Variants in CUL4B observed in about 807,000 individuals in gnomAD.
The protein encoded by CUL4B is cullin 4B.
CUL4B carries 1 observed loss-of-function variant against 69.2 expected under a neutral mutation model. That is an observed-to-expected ratio of 0.01 (90% CI 0.01 to 0.07). The LOEUF is 0.07. Among genes scored for constraint, CUL4B ranks in the 10% least tolerant of loss-of-function variants. The pLI, the probability that CUL4B is intolerant of heterozygous loss-of-function variation, is 1.00. For synonymous variants in CUL4B, 237 were observed against 223.2 expected (o/e 1.06, Z -0.55); for missense variants, 328 against 638.8 (o/e 0.51, Z 5.24).
chrX:120,572,060 A>G (rs1199759166), intron 2 of CUL4B: 2 of 109,415 alleles, frequency 1.8e-5, no homozygotes, highest in African/African-American at 3.3e-5. Flanking sequence ...ATCATGGCGA[A>G]TATTGTATGT....
In CUL4B at chrX:120,560,507, G is replaced by C; in HGVS notation, c.132C>G (p.Ser44Arg). Residue 44 changes from serine to arginine, a missense_variant, in exon 1 of 20, where the codon AGC becomes AGG. By Grantham distance (110) the Ser-to-Arg change is moderately radical (BLOSUM62 -1). Coordinates refer to ENST00000371322, the MANE Select transcript of CUL4B (RefSeq NM_001079872.2). ...TSAKKRKLNS[S>R]SSSSSNSSNE... ...TACTACTGTTACTGCTGCTACTGCT[G>C]CTGCTGTTTAACTTTCTCTTCTTGG... is the stretch of plus-strand genomic sequence containing the variant. The C allele has an allele frequency of 1.7e-6, 2 of 1,210,808 alleles. No individual in the cohort carries two copies. Among genetic ancestry groups the C allele is most frequent in the Non-Finnish European group, 2.2e-6 (2 of 894,915 alleles).
intron 2 of CUL4B, among the ~76,000 whole-genome samples, chrX:120,553,922 T>C (rs1924826405): frequency 9.0e-6 from 1 of 111,659 alleles, no homozygotes; most frequent in Non-Finnish European, 1.9e-5. Flanking sequence ...CACATTCTTT[T>C]TAAGCGTAGA....
downstream of CUL4B, among the ~76,000 whole-genome samples, chrX:120,569,361 CTTT>C (rs1172319824): frequency 1.7e-4 from 16 of 96,184 alleles, no homozygotes; most frequent in Non-Finnish European, 2.5e-4. Context: ...AGGGAAGTTT[CTTT>C]TTTTTTTTTT....
chrX:120,538,758 A>T lies in CUL4B; in HGVS notation c.1754T>A (p.Phe585Tyr). 1 of 1,189,759 alleles carries T rather than the reference A, an allele frequency of 8.4e-7. No individual in the cohort carries two copies. Among genetic ancestry groups the T allele is most frequent in the Non-Finnish European group, 1.1e-6 (1 of 876,048 alleles). ...IFRFIYGKDV[F>Y]EAFYKKDLAK... ...TAAATCTTTCTTATAGAAGGCCTCAAAAACATCCTTGCCTATGTAAAAAGA... is the reference window on the plus strand; with the variant it reads ...TAAATCTTTCTTATAGAAGGCCTCATAAACATCCTTGCCTATGTAAAAAGA... The change falls in exon 13 of 20, where the codon TTT becomes TAT. Residue 585 changes from phenylalanine (F) to tyrosine (Y), a missense_variant. Coordinates refer to ENST00000371322, the MANE Select transcript of CUL4B (RefSeq NM_001079872.2).
At chrX:120,549,672 A>C (rs1924569603) in intron 2 of CUL4B, among the ~76,000 whole-genome samples, 1 of 111,727 alleles carries the variant, frequency 9.0e-6, no homozygotes, top group Admixed American at 9.5e-5. Flanking sequence ...GCTATGGAGG[A>C]ATAAGAAGGC....
At chrX:120,545,139 T>C (rs1189962697) in intron 5 of CUL4B, among the ~76,000 whole-genome samples, 1 of 112,095 alleles carries the variant, frequency 8.9e-6, no homozygotes, top group Non-Finnish European at 1.9e-5. Context: ...TAATGTTAAA[T>C]GAGTGAACTC....
chrX:120,536,806 G>A (rs1280563400), intron 15 of CUL4B, 121 bp downstream of exon 15: 12 of 519,365 alleles, frequency 2.3e-5, no homozygotes, highest in Non-Finnish European at 4.0e-5. Context: ...AGACCAGCCT[G>A]AGCAATACAG....
At chrX:120,536,682 C>T (rs991178906) in intron 15 of CUL4B, among the ~76,000 whole-genome samples, 5 of 111,507 alleles carry the variant, frequency 4.5e-5, no homozygotes, top group Admixed American at 9.6e-5. Context: ...GGTGTTGGTG[C>T]GCTTACTGAC....
intron 4 of CUL4B, among the ~76,000 whole-genome samples, chrX:120,545,784 C>A (rs1276900233): frequency 3.9e-5 from 4 of 103,476 alleles, no homozygotes; most frequent in Non-Finnish European, 5.9e-5. Context: ...ATCAAGGGGA[C>A]GCTCATATAA....
intron 18 of CUL4B, among the ~76,000 whole-genome samples, chrX:120,531,855 G>A (rs1376767374): frequency 9.0e-6 from 1 of 111,204 alleles, no homozygotes; most frequent in Non-Finnish European, 1.9e-5. Context: ...AGTGCTGGGG[G>A]ACATAGTAAG....
chrX:120,572,483 A>G (rs1925741449), intron 2 of CUL4B, among the ~76,000 whole-genome samples: 1 of 98,240 alleles, frequency 1.0e-5, no homozygotes, highest in East Asian at 3.1e-4. Context: ...AAAAAAAAAA[A>G]GAAAAAGAAA....
Position 120,535,926 on chromosome X carries a change from C to T in CUL4B, c.2064G>A (p.Glu688=), listed in dbSNP as rs1272889386. 1 of 1,189,029 alleles carries T rather than the reference C, an allele frequency of 8.4e-7. No individual in the cohort carries two copies. Among genetic ancestry groups the T allele is most frequent in the Non-Finnish European group, 1.1e-6 (1 of 876,964 alleles). The change falls in exon 16 of 20, where the codon GAG becomes GAA. Residue 688 remains glutamate (E), a synonymous_variant. Transcript: ENST00000371322. ...HLPPEMVKLQ[E]IFKTFYLGKH... The stretch of plus-strand genomic sequence containing the variant: ...TGCCTAGGTAAAATGTCTTGAAAAT[C>T]TCCTGAAGTTTTACCATCTAAAGTA...
At chrX:120,527,064 T>A (rs1423113914) in intron 19 of CUL4B, among the ~76,000 whole-genome samples, 1 of 107,193 alleles carries the variant, frequency 9.3e-6, no homozygotes, top group African/African-American at 3.4e-5. Flanking sequence ...TGAAGATTCT[T>A]TTTTTTTTTT....
At chrX:120,554,019 A>C (rs1924832096) in intron 2 of CUL4B, among the ~76,000 whole-genome samples, 2 of 111,590 alleles carry the variant, frequency 1.8e-5, no homozygotes, top group Admixed American at 1.9e-4. Flanking sequence ...TTTGGAATGT[A>C]ATCTATTTAT....
At chrX:120,575,114 C>A (rs1012811190) in intron 1 of CUL4B, among the ~76,000 whole-genome samples, 1 of 112,093 alleles carries the variant, frequency 8.9e-6, no homozygotes, top group African/African-American at 3.2e-5. Flanking sequence ...TTGTGATCAC[C>A]ACTTTGCTGG....
chrX:120,539,228 A>G (rs763995178), intron 12 of CUL4B, 40 bp downstream of exon 12: 1 of 802,374 alleles, frequency 1.2e-6, no homozygotes, highest in Non-Finnish European at 1.8e-6. Flanking sequence ...GTTGAGTGCT[A>G]TTTTAAAAGA....
intron 10 of CUL4B, 121 bp downstream of exon 10, chrX:120,541,481 G>T: frequency 1.8e-6 from 1 of 543,943 alleles, no homozygotes. Context: ...CCTGGGTGAC[G>T]AGAGCAAAAC....
intron 1 of CUL4B, among the ~76,000 whole-genome samples, chrX:120,558,584 T>C (rs1037538780): frequency 8.9e-6 from 1 of 111,959 alleles, no homozygotes; most frequent in African/African-American, 3.2e-5. Context: ...CCCACATTTA[T>C]GCAGCATCTA....
chrX:120,551,140 C>T (rs1924660756), intron 2 of CUL4B, among the ~76,000 whole-genome samples: 1 of 111,639 alleles, frequency 9.0e-6, no homozygotes, highest in Non-Finnish European at 1.9e-5. Flanking sequence ...TTCCCCACCA[C>T]CATACTTTTT....
Sources: allele counts gnomAD v4.1 joint callset (sites outside exome capture counted in the v4.1 genomes callset), GRCh38; gene constraint gnomAD v4.1.1; transcripts MANE v1.5; gene names NCBI Gene and HGNC (gene_info 2026-07-23, HGNC 2026-07-21).